Variants in KIF1B observed in about 807,000 individuals in gnomAD.
The protein encoded by KIF1B is kinesin-like protein KIF1B.
A neutral mutation model predicts 241.9 loss-of-function variants in KIF1B; 76 were observed. That is an observed-to-expected ratio of 0.31 (90% CI 0.26 to 0.38). KIF1B has a LOEUF of 0.38. KIF1B is among the 10% of genes least tolerant of loss of function. The pLI is 1.00. For synonymous variants in KIF1B, 750 were observed against 796.7 expected, an observed-to-expected ratio of 0.94 and a Z score of 0.99; for missense variants, 1,622 against 2,271.4, an observed-to-expected ratio of 0.71 and a Z score of 5.81.
chr1:10,216,573 C>G (rs376502595), intron 1 of KIF1B, among the ~76,000 whole-genome samples: 14 of 152,276 alleles, frequency 9.2e-5, no homozygotes, highest in Middle Eastern at 3.4e-3. Flanking sequence ...CTGCATAGTG[C>G]TGGGGATTAG....
Position 10,210,943 on chromosome 1 carries a change from G to A in KIF1B, c.-80+65G>A, listed in dbSNP as rs1040136951. 2 of 151,686 alleles carry A rather than the reference G, an allele frequency of 1.3e-5. No homozygotes were observed. The highest frequency in any genetic ancestry group is 4.8e-5 in the African/African-American group (2 of 41,374). 9.4% of individuals were successfully genotyped at this position (151,686 alleles called of 1,614,324 possible). On this transcript the variant is annotated intron_variant, in intron 1 of 48. Coordinates refer to ENST00000676179, the MANE Select transcript of KIF1B (RefSeq NM_001365951.3). The surrounding 1 kb of genome is among the most constrained non-coding windows in gnomAD (Gnocchi z 4.1). ...CGGGGTTGGGGAGGGGGCCGCTTCC[G>A]CGGGGAGGAGCGGCCGGGCCGGGGT...
At chr1:10,307,272 TG>T in intron 22 of KIF1B, 1 of 1,019,476 alleles carries the variant, frequency 9.8e-7, no homozygotes, top group Non-Finnish European at 1.2e-6. Context: ...GCCATGCTTT[TG>T]TGAGCTCTTG....
At chr1:10,305,251 C>T in intron 22 of KIF1B, 1 of 1,042,428 alleles carries the variant, frequency 9.6e-7, no homozygotes, top group Non-Finnish European at 1.2e-6. Context: ...ACTTCCACGT[C>T]TTCTTTTATT....
chr1:10,267,882 A>G (rs773787779), intron 6 of KIF1B, among the ~76,000 whole-genome samples: 2 of 152,216 alleles, frequency 1.3e-5, no homozygotes, highest in African/African-American at 2.4e-5. Context: ...CCAATAAAGA[A>G]TAAAAATTAA....
chr1:10,236,527 C>T (rs1380395859), intron 2 of KIF1B, among the ~76,000 whole-genome samples: 5 of 152,142 alleles, frequency 3.3e-5, no homozygotes, highest in Non-Finnish European at 5.9e-5. Context: ...TGCAAAAATG[C>T]GGGTTAGTTT....
intron 45 of KIF1B, among the ~76,000 whole-genome samples, chr1:10,371,831 G>T (rs186932239): frequency 3.3e-3 from 502 of 152,292 alleles, no homozygotes; most frequent in African/African-American, 0.011. Context: ...TACTCGGGAG[G>T]CTGAAGTGGG....
chr1:10,315,401 C>G (rs1651260788), intron 22 of KIF1B, among the ~76,000 whole-genome samples: 1 of 150,872 alleles, frequency 6.6e-6, no homozygotes, highest in South Asian at 2.1e-4. Flanking sequence ...GTCTTGAACT[C>G]CTGACCTCAG....
chr1:10,221,515 A>C (rs1252624196), intron 1 of KIF1B, among the ~76,000 whole-genome samples: 1 of 152,074 alleles, frequency 6.6e-6, no homozygotes, highest in East Asian at 1.9e-4. Context: ...ACACACACCA[A>C]TTCTTAAATT....
At chr1:10,221,037 C>G (rs537274944) in intron 1 of KIF1B, among the ~76,000 whole-genome samples, 1 of 149,536 alleles carries the variant, frequency 6.7e-6, no homozygotes, top group Admixed American at 6.7e-5. Context: ...TCTGATATGT[C>G]AGGAGACTAC....
intron 22 of KIF1B, among the ~76,000 whole-genome samples, chr1:10,302,108 G>C (rs1364478142): frequency 6.6e-6 from 1 of 152,138 alleles, no homozygotes; most frequent in South Asian, 2.1e-4. Flanking sequence ...AAAATGTCCT[G>C]GGTTTTCTAG....
chr1:10,375,470 C>T (rs1452404850), intron 48 of KIF1B, 97 bp downstream of exon 48: 70 of 955,020 alleles, frequency 7.3e-5, no homozygotes, highest in South Asian at 2.3e-4. Context: ...CTGCAACCTC[C>T]GCCCCCTGGT....
At chr1:10,261,615 C>T (rs960341833) in intron 4 of KIF1B, among the ~76,000 whole-genome samples, 5 of 152,072 alleles carry the variant, frequency 3.3e-5, no homozygotes, top group Admixed American at 1.3e-4. Context: ...TAGCCTAGGC[C>T]TACACAGGGT....
rs1483652105 is a variant in KIF1B at position 10,324,873 on chromosome 1, C to T, written c.2653C>T (p.His885Tyr). ...CAGCGATCCCTTCTATGATCGGTTC[C>T]ACTGGTTCAAACTTGTGGGGAGGTA... is the stretch of plus-strand genomic sequence containing the variant. ...TGSDPFYDRF[H>Y]WFKLVGSSPI... The change falls in exon 26 of 49, where the codon CAC (histidine) becomes TAC (tyrosine). Residue 885 changes from histidine to tyrosine, a missense_variant. His to Tyr is a moderately conservative substitution (Grantham distance 83). Around this residue, in one of 7 missense-constraint regions of KIF1B, gnomAD observed 803 missense variants for 1,112.0 expected, o/e 0.72. Transcript: ENST00000676179. 1 of 1,614,028 alleles carries T rather than the reference C, an allele frequency of 6.2e-7. No homozygotes were observed. The highest frequency in any genetic ancestry group is 1.1e-5 in the South Asian group (1 of 91,072).
At chr1:10,278,516 C>G (rs1361737413) in intron 13 of KIF1B, 2 of 256,390 alleles carry the variant, frequency 7.8e-6, no homozygotes, top group Non-Finnish European at 1.5e-5. Context: ...ATGGGTTGCT[C>G]TGGATTAGTG....
chr1:10,222,797 G>A (rs1261961338), intron 1 of KIF1B, among the ~76,000 whole-genome samples: 2 of 152,140 alleles, frequency 1.3e-5, no homozygotes, highest in Non-Finnish European at 2.9e-5. Context: ...ATTGTATGTC[G>A]CAAGGAAAAG....
intron 22 of KIF1B, among the ~76,000 whole-genome samples, chr1:10,311,487 A>G (rs1651064293): frequency 6.6e-6 from 1 of 151,282 alleles, no homozygotes; most frequent in Non-Finnish European, 1.5e-5. Flanking sequence ...TGCTGGGATT[A>G]CGGGTGTGAG....
chr1:10,341,375 T>G (rs1652384889), intron 32 of KIF1B, among the ~76,000 whole-genome samples: 1 of 152,222 alleles, frequency 6.6e-6, no homozygotes, highest in African/African-American at 2.4e-5. Flanking sequence ...ACATAGGCCA[T>G]AGTCAGTACA....
intron 44 of KIF1B, among the ~76,000 whole-genome samples, chr1:10,368,818 C>T (rs1638645250): frequency 6.6e-6 from 1 of 152,102 alleles, no homozygotes; most frequent in South Asian, 2.1e-4. Flanking sequence ...GGAGAATATT[C>T]TATGGGGAGG....
Position 10,378,884 on chromosome 1 carries a change from T to A in KIF1B, c.*2297T>A. On this transcript the variant is annotated 3_prime_UTR_variant, in exon 49 of 49. Transcript: ENST00000676179. Reference sequence around the variant, plus strand: ...GAAACTCTATGGCGGATTTTTTTTTTAACTTTCTTCTTCCTGTTAAAACAT... The same window carrying A: ...GAAACTCTATGGCGGATTTTTTTTTAAACTTTCTTCTTCCTGTTAAAACAT... 8.4e-6 allele frequency: 2 copies of A among 236,916 alleles called. No individual in the cohort carries two copies. The highest frequency in any genetic ancestry group is 1.6e-4 in the South Asian group (1 of 6,178). The allele number at this position is 236,916 out of a possible 1,614,324, so 14.7% of individuals were successfully genotyped here.
Sources: gnomAD v4.1 joint callset for allele counts (sites outside exome capture counted in the v4.1 genomes callset) on GRCh38, gnomAD v4.1.1 for gene constraint, gnomAD v4.1.1 regional missense constraint, Gnocchi (gnomAD v3.1) non-coding constraint, MANE v1.5 for transcripts, NCBI Gene and HGNC (gene_info 2026-07-23, HGNC 2026-07-21) for gene names.